The following LRTM3 variants were observed in gnomAD, a reference collection of about 807,000 sequenced individuals.
LRTM3 encodes leucine-rich repeat transmembrane protein 3.
chr13:102,745,368 C>A, the LRTM3 span: 3 of 1,550,392 alleles, frequency 1.9e-6, no homozygotes, highest in African/African-American at 2.7e-5. Context: ...CTTAGCGTGT[C>A]TTTTTCTGTT....
chr13:102,747,279 C>G, the LRTM3 span: 1 of 1,548,884 alleles, frequency 6.5e-7, no homozygotes, highest in Non-Finnish European at 8.7e-7. Flanking sequence ...GGGTAAATAA[C>G]ATTCAGAAGC....
At chr13:102,742,402 G>A in the LRTM3 span, 1 of 1,546,724 alleles carries the variant, frequency 6.5e-7, no homozygotes, top group African/African-American at 1.4e-5. Context: ...TAGTTCCTGA[G>A]ACACACAGCT....
At chr13:102,759,053 G>T in the LRTM3 span, 2 of 622,016 alleles carry the variant, frequency 3.2e-6, no homozygotes, top group Admixed American at 3.0e-5. Context: ...GGCCAGTGCT[G>T]CTGGTATCTT....
chr13:102,746,989 C>G, the LRTM3 span: 1 of 1,551,166 alleles, frequency 6.4e-7, no homozygotes, highest in East Asian at 2.4e-5. Context: ...TTGGTTGATG[C>G]ATTTCTTTCT....
chr13:102,741,218 T>C, the LRTM3 span: 1 of 1,550,294 alleles, frequency 6.5e-7, no homozygotes, highest in Non-Finnish European at 8.7e-7. Flanking sequence ...TAATGTAATA[T>C]CCAACTTTGA....
chr13:102,735,359 G>C, the LRTM3 span: 1 of 1,551,246 alleles, frequency 6.4e-7, no homozygotes, highest in Admixed American at 2.0e-5. Context: ...TATTCTCCCT[G>C]CATCTGATGA....
At chr13:102,732,147 T>G in the LRTM3 span, 1 of 1,551,394 alleles carries the variant, frequency 6.4e-7, no homozygotes, top group Non-Finnish European at 8.7e-7. Flanking sequence ...CTCTTAGACA[T>G]TTCACTAGTG....
the LRTM3 span, chr13:102,733,471 A>G: frequency 1.5e-4 from 228 of 1,551,208 alleles, 1 homozygote; most frequent in Non-Finnish European, 1.9e-4. Context: ...CAAGTGTGAC[A>G]TACAGTTCCT....
At chr13:102,732,673 C>A in the LRTM3 span, 6 of 1,551,090 alleles carry the variant, frequency 3.9e-6, no homozygotes, top group Non-Finnish European at 5.2e-6. Context: ...ATAGAAGATG[C>A]GGGTGTGCAC....
chr13:102,746,988 G>T, the LRTM3 span: 10 of 1,551,202 alleles, frequency 6.4e-6, no homozygotes, highest in Non-Finnish European at 8.7e-6. Flanking sequence ...ATTGGTTGAT[G>T]CATTTCTTTC....
chr13:102,743,261 A>G, the LRTM3 span: 3 of 1,550,522 alleles, frequency 1.9e-6, no homozygotes, highest in African/African-American at 1.4e-5. Context: ...TAGTGACTCT[A>G]TTTGTGTTGG....
the LRTM3 span, chr13:102,758,505 A>C: frequency 6.5e-7 from 1 of 1,537,400 alleles, no homozygotes; most frequent in Non-Finnish European, 8.8e-7. Flanking sequence ...CAGGATGAAC[A>C]AGTTTTATAT....
At chr13:102,742,160 T>C in the LRTM3 span, 6 of 1,550,568 alleles carry the variant, frequency 3.9e-6, no homozygotes, top group Non-Finnish European at 5.2e-6. Flanking sequence ...TAGAACTCGA[T>C]GTACTGCATT....
the LRTM3 span, chr13:102,741,007 T>A: frequency 6.5e-7 from 1 of 1,550,236 alleles, no homozygotes; most frequent in Non-Finnish European, 8.7e-7. Context: ...CTTCATGTGA[T>A]GCTTTCTCTA....
At chr13:102,751,107 A>G in the LRTM3 span, among the ~76,000 whole-genome samples, 2 of 152,176 alleles carry the variant, frequency 1.3e-5, no homozygotes, top group African/African-American at 2.4e-5. Flanking sequence ...TAACATTTGT[A>G]TCAGTGAACT....
the LRTM3 span, chr13:102,744,457 A>G: frequency 1.3e-6 from 2 of 1,550,574 alleles, no homozygotes; most frequent in East Asian, 4.9e-5. Context: ...CTGTTTTGGG[A>G]AATGAAGTCT....
At chr13:102,758,579 A>G in the LRTM3 span, 13 of 1,545,570 alleles carry the variant, frequency 8.4e-6, no homozygotes, top group Non-Finnish European at 1.1e-5. Flanking sequence ...TCTTCCGTCT[A>G]TTTTAATGGA....
chr13:102,734,402 G>A, the LRTM3 span: 1 of 1,551,334 alleles, frequency 6.4e-7, no homozygotes, highest in Non-Finnish European at 8.7e-7. Flanking sequence ...CAAAGGTTTG[G>A]AAAAGAGTAT....
the LRTM3 span, chr13:102,730,953 TTCTC>T: frequency 6.4e-7 from 1 of 1,551,354 alleles, no homozygotes; most frequent in African/African-American, 1.4e-5. Context: ...AAGGGTTTCT[TTCTC>T]TCATGAGCAC....
Sources: gnomAD v4.1 joint callset for allele counts (sites outside exome capture counted in the v4.1 genomes callset) on GRCh38, gnomAD v4.1.1 for gene constraint, MANE v1.5 for transcripts, NCBI Gene and HGNC (gene_info 2026-07-23, HGNC 2026-07-21) for gene names.